The following KMT2C variants were observed in gnomAD, a reference collection of about 807,000 sequenced individuals.
KMT2C encodes histone-lysine N-methyltransferase 2C.
Under a neutral mutation model 507.9 loss-of-function variants are expected in KMT2C, and 88 were observed. The ratio of observed to expected loss-of-function variants is 0.17; its 90% confidence interval spans 0.15 to 0.21. The LOEUF (loss-of-function observed/expected upper bound fraction) is 0.21. KMT2C is among the 10% of genes least tolerant of loss of function. The pLI, the probability that KMT2C is intolerant of heterozygous loss-of-function variation, is 1.00. For synonymous variants in KMT2C, 2,049 were observed against 2,080.8 expected, an observed-to-expected ratio of 0.98 and a Z score of 0.42; for missense variants, 4,954 against 5,957.8, an observed-to-expected ratio of 0.83 and a Z score of 5.55.
intron 14 of KMT2C, among the ~76,000 whole-genome samples, chr7:152,239,786 A>T (rs2095350611): frequency 6.6e-6 from 1 of 152,156 alleles, no homozygotes; most frequent in African/African-American, 2.4e-5. Flanking sequence ...GGTGCATGCT[A>T]TAATTTTACC....
At chr7:152,426,592 T>C (rs913483232) in intron 1 of KMT2C, among the ~76,000 whole-genome samples, 2 of 152,160 alleles carry the variant, frequency 1.3e-5, no homozygotes, top group African/African-American at 4.8e-5. Flanking sequence ...TGTCTCTAAA[T>C]AGTTTATAAC....
chr7:152,383,539 T>TA (rs1382992663), intron 1 of KMT2C, among the ~76,000 whole-genome samples: 2 of 151,544 alleles, frequency 1.3e-5, no homozygotes, highest in Non-Finnish European at 2.9e-5. Context: ...GGAGGGATTA[T>TA]ATTACACATG....
At chr7:152,240,541 AG>A (rs1372088124) in intron 14 of KMT2C, among the ~76,000 whole-genome samples, 1 of 152,282 alleles carries the variant, frequency 6.6e-6, no homozygotes, top group Admixed American at 6.5e-5. Context: ...TTTTAATCAA[AG>A]ATCTCCAAAT....
intron 1 of KMT2C, among the ~76,000 whole-genome samples, chr7:152,373,159 A>T (rs2097304294): frequency 6.6e-6 from 1 of 152,204 alleles, no homozygotes. Context: ...ATGCAGAAAA[A>T]AAACAGATAT....
chr7:152,353,654 C>T (rs568944394), intron 2 of KMT2C, among the ~76,000 whole-genome samples: 1 of 152,172 alleles, frequency 6.6e-6, no homozygotes, highest in Admixed American at 6.5e-5. Context: ...CACACCATCA[C>T]ACCCAACTAA....
intron 26 of KMT2C, 33 bp from the exon 27 acceptor site, chr7:152,199,492 A>G: frequency 7.3e-7 from 1 of 1,375,578 alleles, no homozygotes. Context: ...AAAAATGGTT[A>G]GAAAATTCTA....
At chr7:152,205,737 A>T (rs1414905780) in intron 24 of KMT2C, among the ~76,000 whole-genome samples, 3 of 152,334 alleles carry the variant, frequency 2.0e-5, no homozygotes, top group Middle Eastern at 3.4e-3. Flanking sequence ...ATACAGCCTA[A>T]ATGTGTAGTA....
intron 34 of KMT2C, among the ~76,000 whole-genome samples, chr7:152,185,049 G>A (rs2093581036): frequency 6.6e-6 from 1 of 152,174 alleles, no homozygotes; most frequent in Non-Finnish European, 1.5e-5. Flanking sequence ...GGGTCACTGT[G>A]CCTGGCCCCT....
At chr7:152,323,468 T>G (rs2096790001) in intron 3 of KMT2C, among the ~76,000 whole-genome samples, 1 of 151,516 alleles carries the variant, frequency 6.6e-6, no homozygotes, top group Non-Finnish European at 1.5e-5. Context: ...TAAGACTCCA[T>G]CTCTACATAA....
At chr7:152,233,910 G>A (rs1340179659) in intron 16 of KMT2C, among the ~76,000 whole-genome samples, 2 of 152,142 alleles carry the variant, frequency 1.3e-5, no homozygotes, top group South Asian at 2.1e-4. Context: ...TTTGGGAGAC[G>A]GATCATCTGA....
intron 1 of KMT2C, among the ~76,000 whole-genome samples, chr7:152,413,660 G>GGATC (rs547166685): frequency 0.037 from 5,689 of 151,834 alleles, 341 homozygotes; most frequent in African/African-American, 0.13. Context: ...CGAGGCAGGT[G>GGATC]GATCACCTGA....
intron 3 of KMT2C, among the ~76,000 whole-genome samples, chr7:152,328,349 A>G (rs958854031): frequency 6.6e-6 from 1 of 152,100 alleles, no homozygotes; most frequent in Non-Finnish European, 1.5e-5. Context: ...GGCCCTTCAG[A>G]GGAGGCTAGT....
In KMT2C at chr7:152,357,348, C is replaced by T. The variant is rs549770363; in HGVS notation, c.250+1239G>A. Reference sequence around the variant, plus strand: ...GACCATCCTGGCTAACACGGTGAAACCCCGTCTCTACTAAAGATACAAAAA... The same window carrying T: ...GACCATCCTGGCTAACACGGTGAAATCCCGTCTCTACTAAAGATACAAAAA... On this transcript the variant is annotated intron_variant, in intron 2 of 58. Transcript: ENST00000262189. 2.2e-3 allele frequency among the ~76,000 whole-genome samples: 330 copies of T among 152,188 alleles called. 3 individuals carry two copies. Among genetic ancestry groups the T allele is most frequent in the Middle Eastern group, 0.01 (3 of 294 alleles).
chr7:152,193,093 T>G (rs1011630734), intron 31 of KMT2C, among the ~76,000 whole-genome samples: 1 of 152,142 alleles, frequency 6.6e-6, no homozygotes, highest in Non-Finnish European at 1.5e-5. Flanking sequence ...GTAGGATCGC[T>G]TGAGCCCAGG....
intron 3 of KMT2C, among the ~76,000 whole-genome samples, chr7:152,317,136 A>C (rs1040575157): frequency 2.6e-5 from 4 of 152,220 alleles, no homozygotes; most frequent in African/African-American, 9.6e-5. Context: ...TTTATATTCA[A>C]AACTATCGCT....
chr7:152,152,559 G>A lies in KMT2C; in HGVS notation c.12526+146C>T, dbSNP rs1202294081. On this transcript the variant is annotated intron_variant, in intron 49 of 58. Coordinates refer to ENST00000262189, the MANE Select transcript of KMT2C (RefSeq NM_170606.3). ...GGTCAAAATCACAGCACAGAAAACAGAACACCCACACATGGTAAGTTCACC... is the reference window on the plus strand; with the variant it reads ...GGTCAAAATCACAGCACAGAAAACAAAACACCCACACATGGTAAGTTCACC... 4 of 960,372 alleles carry A rather than the reference G, an allele frequency of 4.2e-6. No individual in the cohort carries two copies. In the African/African-American group the frequency reaches 4.9e-5, roughly 12 times the overall value. 59.5% of individuals were successfully genotyped at this position (960,372 alleles called of 1,614,324 possible). A position where few individuals can be genotyped will look rare whatever the true frequency, so the allele number is the denominator to read the frequency against.
rs2129115129 is a variant in KMT2C, at chr7:152,177,629, C to T, written c.7824G>A (p.Met2608Ile). 1 of 1,614,094 alleles carries T rather than the reference C, an allele frequency of 6.2e-7. No homozygotes were observed. Among genetic ancestry groups the T allele is most frequent in the South Asian group, 1.1e-5 (1 of 91,076 alleles). The change falls in exon 38 of 59, where the codon ATG becomes ATA. Residue 2608 changes from methionine to isoleucine, a missense_variant. By Grantham distance (10) the Met-to-Ile change is conservative. Around this residue, in one of 29 missense-constraint regions of KMT2C, gnomAD observed 1,689 missense variants for 1,654.3 expected, o/e 1.02. Transcript: ENST00000262189. ...DFPGPRHTDP[M>I]RRPPQGLPNQ... ...TAGGTAGACCCTGGGGAGGTCGTCG[C>T]ATGGGGTCTGTGTGTCTAGGGCCCG...
chr7:152,183,223 T>C (rs969585085), intron 34 of KMT2C, 67 bp from the exon 35 acceptor site: 1 of 1,229,992 alleles, frequency 8.1e-7, no homozygotes, highest in East Asian at 2.5e-5. Flanking sequence ...AAAATAAAAC[T>C]ATCATGAACT....
chr7:152,414,639 G>A (rs1280827007), intron 1 of KMT2C, among the ~76,000 whole-genome samples: 2 of 151,774 alleles, frequency 1.3e-5, no homozygotes, highest in African/African-American at 4.8e-5. Flanking sequence ...GGGATTACAG[G>A]CGCCCGGCAT....
Sources: gnomAD v4.1 joint callset for allele counts (sites outside exome capture counted in the v4.1 genomes callset) on GRCh38, gnomAD v4.1.1 for gene constraint, gnomAD v4.1.1 regional missense constraint, MANE v1.5 for transcripts, NCBI Gene and HGNC (gene_info 2026-07-23, HGNC 2026-07-21) for gene names.